The following PPP1R13B variants were observed in gnomAD, a reference collection of about 807,000 sequenced individuals.
The protein encoded by PPP1R13B is apoptosis-stimulating of p53 protein 1.
PPP1R13B carries 44 observed loss-of-function variants against 119.8 expected under a neutral mutation model. The ratio of observed to expected loss-of-function variants is 0.37; its 90% CI spans 0.29 to 0.47. The LOEUF is 0.47. PPP1R13B is among the 20% of genes least tolerant of loss of function. The pLI, the probability that PPP1R13B is intolerant of heterozygous loss-of-function variation, is 0.99. For missense variants in PPP1R13B, 1,227 were observed against 1,413.5 expected (o/e 0.87, Z 2.12); for synonymous variants, 542 against 561.5 (o/e 0.97, Z 0.49).
intron 2 of PPP1R13B, among the ~76,000 whole-genome samples, chr14:103,788,663 C>T (rs1356923327): frequency 4.0e-5 from 6 of 150,658 alleles, no homozygotes; most frequent in South Asian, 2.1e-4. Context: ...GATGACAGAG[C>T]GAGACCCTGT....
At chr14:103,757,000 G>A (rs993997762) in intron 5 of PPP1R13B, among the ~76,000 whole-genome samples, 7 of 151,726 alleles carry the variant, frequency 4.6e-5, no homozygotes, top group African/African-American at 1.7e-4. Flanking sequence ...CTGACCTTGT[G>A]AGCCGCCCAC....
At chr14:103,793,087 A>C (rs1382367813) in intron 2 of PPP1R13B, among the ~76,000 whole-genome samples, 1 of 120,112 alleles carries the variant, frequency 8.3e-6, no homozygotes, top group African/African-American at 3.2e-5. Context: ...AGGGGAAGGG[A>C]AGGAAGGGGA....
intron 1 of PPP1R13B, among the ~76,000 whole-genome samples, chr14:103,800,684 A>G (rs148853223): frequency 1.5e-4 from 23 of 152,196 alleles, no homozygotes; most frequent in African/African-American, 5.3e-4. Flanking sequence ...AACAAAAAAA[A>G]AGATTTTTTT....
chr14:103,847,390 C>T lies in PPP1R13B; in HGVS notation c.-83G>A. 9.4e-7 allele frequency: 1 copy of T among 1,068,044 alleles called. No individual in the cohort carries two copies. The highest frequency in any genetic ancestry group is 1.1e-6 in the Non-Finnish European group (1 of 883,256). 66.2% of individuals were successfully genotyped at this position (1,068,044 alleles called of 1,614,324 possible). A position where few individuals can be genotyped will look rare whatever the true frequency, so the allele number is the denominator to read the frequency against. On this transcript the variant is annotated 5_prime_UTR_variant, in exon 1 of 17. Coordinates refer to ENST00000202556, the MANE Select transcript of PPP1R13B (RefSeq NM_015316.3). ...CTGTGCCCACCGCTCCGGCCGCCTCCTAAGGCCGCGCTCCCGCCGCCGTGC... is the reference window on the plus strand; with the variant it reads ...CTGTGCCCACCGCTCCGGCCGCCTCTTAAGGCCGCGCTCCCGCCGCCGTGC...
At chr14:103,824,371 C>G (rs2086486850) in intron 1 of PPP1R13B, among the ~76,000 whole-genome samples, 3 of 148,190 alleles carry the variant, frequency 2.0e-5, no homozygotes, top group Non-Finnish European at 4.5e-5. Flanking sequence ...GGCTATTTCT[C>G]TATATGATCA....
rs2084035568 is a variant in PPP1R13B at position 103,734,424 on chromosome 14, G to A, written c.*730C>T. ...GCAGGGGTGAGAACCACACTGAGCA[G>A]CATGACAGGCTGTGAGATCGGAGGA... On this transcript the variant is annotated 3_prime_UTR_variant, in exon 17 of 17. Transcript: ENST00000202556. The A allele has an allele frequency of 4.6e-6, 2 of 432,306 alleles. No individual in the cohort carries two copies. Among genetic ancestry groups the A allele is most frequent in the Non-Finnish European group, 9.4e-6 (2 of 213,678 alleles). The allele number at this position is 432,306 out of a possible 1,614,324, so 26.8% of individuals were successfully genotyped here.
At chr14:103,754,048 AG>A in intron 6 of PPP1R13B, 21 bp downstream of exon 6, 5 of 1,609,268 alleles carry the variant, frequency 3.1e-6, no homozygotes, top group Non-Finnish European at 4.2e-6. Flanking sequence ...AGTGGTGTCG[AG>A]GGGGTGTTGC....
Position 103,742,454 on chromosome 14 carries a change from G to A in PPP1R13B, c.1321-163C>T, listed in dbSNP as rs944807091. Among the ~76,000 whole-genome samples the A allele has an allele frequency of 1.3e-5, 2 of 152,236 alleles. No homozygotes were observed. The highest frequency in any genetic ancestry group is 6.5e-5 in the Admixed American group (1 of 15,290). On this transcript the variant is annotated intron_variant, in intron 10 of 16. Coordinates refer to ENST00000202556, the MANE Select transcript of PPP1R13B (RefSeq NM_015316.3). This position sits in a 1 kb window ranked among gnomAD's most constrained non-coding sequence, Gnocchi z 4.9. ...TTGAGCTCATTGCCTGTCTGCAAAA[G>A]TTCTGACCGAAAGGTGTGTGTACTC...
intron 2 of PPP1R13B, among the ~76,000 whole-genome samples, chr14:103,786,988 G>T (rs940940696): frequency 6.6e-6 from 1 of 150,550 alleles, no homozygotes; most frequent in African/African-American, 2.5e-5. Context: ...GATTACGGGC[G>T]TGAGCCACCA....
intron 12 of PPP1R13B, chr14:103,739,369 C>G (rs922025931): frequency 1.5e-5 from 5 of 328,538 alleles, no homozygotes; most frequent in Non-Finnish European, 2.8e-5. Flanking sequence ...CGTTCCTGCC[C>G]ACATGCGACA....
intron 1 of PPP1R13B, among the ~76,000 whole-genome samples, chr14:103,806,912 C>A (rs968624539): frequency 7.9e-5 from 12 of 152,194 alleles, no homozygotes; most frequent in African/African-American, 2.7e-4. Flanking sequence ...TCTGCAAGAG[C>A]AAACTCATTC....
At chr14:103,802,873 T>G (rs1177454999) in intron 1 of PPP1R13B, among the ~76,000 whole-genome samples, 1 of 152,202 alleles carries the variant, frequency 6.6e-6, no homozygotes, top group Non-Finnish European at 1.5e-5. Flanking sequence ...TTCAATTTCT[T>G]GTGTTCCATT....
At chr14:103,775,556 C>T (rs1173087677) in intron 4 of PPP1R13B, among the ~76,000 whole-genome samples, 3 of 152,140 alleles carry the variant, frequency 2.0e-5, no homozygotes, top group African/African-American at 7.2e-5. Flanking sequence ...ATTACAGGAG[C>T]TAGCCACCGC....
intron 1 of PPP1R13B, among the ~76,000 whole-genome samples, chr14:103,816,772 G>C (rs543521549): frequency 6.6e-6 from 1 of 151,716 alleles, no homozygotes; most frequent in African/African-American, 2.4e-5. Flanking sequence ...CAAAAATTCA[G>C]TATTAATCCA....
At chr14:103,754,628 G>A (rs917320262) in intron 5 of PPP1R13B, among the ~76,000 whole-genome samples, 6 of 148,444 alleles carry the variant, frequency 4.0e-5, no homozygotes, top group Admixed American at 6.7e-5. Context: ...AAAGAAAAAT[G>A]TGAGAGTATT....
In PPP1R13B at chr14:103,742,606, C is replaced by A. The variant is rs751953842; in HGVS notation, c.1320+48G>T. On this transcript the variant is annotated intron_variant, in intron 10 of 16. Coordinates refer to ENST00000202556, the MANE Select transcript of PPP1R13B (RefSeq NM_015316.3). This position sits in a 1 kb window ranked among gnomAD's most constrained non-coding sequence, Gnocchi z 4.9. ...AGCTTAGTACTAAGGCAGAAGAGAG[C>A]CCTGTTGAAGAGCCCGCTTGTGTTC... 867 of 1,589,522 alleles carry A rather than the reference C, an allele frequency of 5.5e-4. 1 individual carries two copies. The highest frequency in any genetic ancestry group is 7.0e-4 in the Non-Finnish European group (820 of 1,168,402).
rs1350106775 is a variant in PPP1R13B, at chr14:103,742,684, G to C, written c.1290C>G (p.Pro430=). ...TCTCCGTGGGTCCCAGTGCTGAGAA[G>C]GGCACAGGCTGGCTGGAGACAGTGC... ...KQGTVSSQPV[P]FSALGPTEKP... is the part of the protein sequence containing the mutation. Residue 430 remains proline, a synonymous_variant, in exon 10 of 17, where the codon CCC becomes CCG. Transcript: ENST00000202556. The surrounding 1 kb of genome is among the most constrained non-coding windows in gnomAD (Gnocchi z 4.9). 40 of 1,613,896 alleles carry C rather than the reference G, an allele frequency of 2.5e-5. No individual in the cohort carries two copies. Among genetic ancestry groups the C allele is most frequent in the Non-Finnish European group, 3.4e-5 (40 of 1,180,034 alleles).
chr14:103,744,491 CA>C (rs746779857), intron 9 of PPP1R13B, among the ~76,000 whole-genome samples: 17 of 152,196 alleles, frequency 1.1e-4, no homozygotes, highest in Non-Finnish European at 1.8e-4. Flanking sequence ...GTTTGTGTGG[CA>C]TCTTTTTCAA....
chr14:103,780,175 A>C (rs976763866), intron 3 of PPP1R13B, among the ~76,000 whole-genome samples: 1 of 149,892 alleles, frequency 6.7e-6, no homozygotes. Context: ...AAAAGCAAAA[A>C]AAAAATCCAA....
Sources: allele counts gnomAD v4.1 joint callset (sites outside exome capture counted in the v4.1 genomes callset), GRCh38; gene constraint gnomAD v4.1.1; non-coding constraint Gnocchi (gnomAD v3.1); transcripts MANE v1.5; gene names NCBI Gene and HGNC (gene_info 2026-07-23, HGNC 2026-07-21).